SGCZ: variants seen among roughly 807,000 people sequenced by gnomAD.
The protein encoded by SGCZ is zeta-sarcoglycan.
Under a neutral mutation model 41.3 loss-of-function variants are expected in SGCZ, and 40 were observed. The observed-to-expected ratio is 0.97, with a 90% CI of 0.75 to 1.26. SGCZ has a LOEUF of 1.26. SGCZ is among the 50% of genes most tolerant of loss of function. The probability of loss-of-function intolerance (pLI) is 0.00; values close to 1 mark genes in which losing one functional copy is unlikely to be tolerated. For missense variants in SGCZ, 552 were observed against 369.8 expected (o/e 1.49, Z -4.04); for synonymous variants, 206 against 137.5 (o/e 1.50, Z -3.49).
rs1401181388 is a variant in SGCZ, at chr8:14,887,620, A to G, written c.40-332694T>C. On this transcript the variant is annotated intron_variant, in intron 1 of 7. Transcript: ENST00000382080. ...CATAAACACACATACACAATCATATAAAAACTATGAATAATTTTGATAACT... is the reference window on the plus strand; with the variant it reads ...CATAAACACACATACACAATCATATGAAAACTATGAATAATTTTGATAACT... 2.0e-5 allele frequency among the ~76,000 whole-genome samples: 3 copies of G among 152,178 alleles called. 1 individual carries two copies. The highest frequency in any genetic ancestry group is 2.0e-4 in the Admixed American group (3 of 15,270).
chr8:14,776,379 A>G (rs1899369), intron 1 of SGCZ, among the ~76,000 whole-genome samples: 44,587 of 151,960 alleles, frequency 0.29, 6,935 homozygotes, highest in African/African-American at 0.4. Context: ...GCCTGCCACC[A>G]TGTAAGATGG....
intron 2 of SGCZ, among the ~76,000 whole-genome samples, chr8:14,530,019 C>T (rs936317604): frequency 1.3e-5 from 2 of 152,048 alleles, no homozygotes; most frequent in African/African-American, 4.8e-5. Context: ...GCTTTTAACA[C>T]ATAAACAAAT....
chr8:14,514,895 A>G (rs1202566880), intron 2 of SGCZ, among the ~76,000 whole-genome samples: 1 of 150,456 alleles, frequency 6.6e-6, no homozygotes, highest in African/African-American at 2.4e-5. Context: ...CTTTATTTCC[A>G]TTTGTTCTTT....
At chr8:14,110,969 G>C (rs1209458958) in intron 5 of SGCZ, among the ~76,000 whole-genome samples, 1 of 151,968 alleles carries the variant, frequency 6.6e-6, no homozygotes, top group Non-Finnish European at 1.5e-5. Flanking sequence ...CAGGAGAATA[G>C]TTTGAACCTG....
At chr8:14,524,356 G>A (rs1042231562) in intron 2 of SGCZ, among the ~76,000 whole-genome samples, 1 of 151,910 alleles carries the variant, frequency 6.6e-6, no homozygotes, top group Non-Finnish European at 1.5e-5. Context: ...GGATTCGGGT[G>A]GGGGAATCTA....
At chr8:14,445,795 G>T (rs192874498) in intron 2 of SGCZ, among the ~76,000 whole-genome samples, 1 of 152,274 alleles carries the variant, frequency 6.6e-6, no homozygotes, top group East Asian at 1.9e-4. Flanking sequence ...GTGGAGTTAG[G>T]AGAGTAATGG....
At chr8:14,714,323 T>C (rs966109250) in intron 1 of SGCZ, among the ~76,000 whole-genome samples, 2 of 152,054 alleles carry the variant, frequency 1.3e-5, no homozygotes, top group Non-Finnish European at 2.9e-5. Flanking sequence ...TAAAAGTTTA[T>C]AGAAGTTAAA....
At chr8:14,672,959 A>C (rs1808151961) in intron 1 of SGCZ, among the ~76,000 whole-genome samples, 1 of 152,188 alleles carries the variant, frequency 6.6e-6, no homozygotes, top group South Asian at 2.1e-4. Flanking sequence ...AACCAGACAA[A>C]CTGGAAAGAA....
chr8:14,329,173 G>C (rs569760675), intron 2 of SGCZ, among the ~76,000 whole-genome samples: 161 of 152,286 alleles, frequency 1.1e-3, no homozygotes, highest in African/African-American at 3.8e-3. Context: ...TGTCATTTTA[G>C]AAGGGGATAT....
intron 2 of SGCZ, among the ~76,000 whole-genome samples, chr8:14,520,797 T>A (rs960840783): frequency 2.0e-5 from 3 of 152,154 alleles, no homozygotes; most frequent in Non-Finnish European, 4.4e-5. Flanking sequence ...TTGAACATTA[T>A]CATTTATTAT....
intron 1 of SGCZ, among the ~76,000 whole-genome samples, chr8:14,689,567 C>T (rs553411801): frequency 6.6e-6 from 1 of 152,186 alleles, no homozygotes; most frequent in African/African-American, 2.4e-5. Context: ...TTATTACTAA[C>T]ATAATTAAAT....
intron 2 of SGCZ, among the ~76,000 whole-genome samples, chr8:14,451,679 A>G (rs1159399222): frequency 1.3e-5 from 2 of 152,210 alleles, no homozygotes; most frequent in African/African-American, 2.4e-5. Context: ...AAAAATGGGC[A>G]AAAGGTCTTA....
rs990037162 is a variant in SGCZ at position 14,294,749 on chromosome 8, G to A, written c.336+29354C>T. Among the ~76,000 whole-genome samples, 6 of 152,002 alleles carry A rather than the reference G, an allele frequency of 3.9e-5. No homozygotes were observed. The East Asian group carries it at 9.7e-4, about 24-fold the overall frequency. On this transcript the variant is annotated intron_variant, in intron 3 of 7. Transcript: ENST00000382080. The stretch of plus-strand genomic sequence containing the variant: ...AAGCAAAAGCCCAATTTTAATAAAT[G>A]AGAAAAATATTCCAACAAAGATATC...
intron 2 of SGCZ, among the ~76,000 whole-genome samples, chr8:14,356,381 T>A (rs1803293130): frequency 1.3e-5 from 2 of 152,064 alleles, no homozygotes. Context: ...AAATATGACC[T>A]ACCAAAAATT....
intron 1 of SGCZ, among the ~76,000 whole-genome samples, chr8:14,566,970 G>T (rs1015526725): frequency 6.6e-6 from 1 of 152,214 alleles, no homozygotes; most frequent in African/African-American, 2.4e-5. Context: ...GGCAGTGAAG[G>T]GCTTAGCACC....
intron 1 of SGCZ, among the ~76,000 whole-genome samples, chr8:15,030,720 A>G (rs1170426186): frequency 1.3e-5 from 2 of 152,136 alleles, no homozygotes; most frequent in African/African-American, 4.8e-5. Context: ...GGTTAGGGGG[A>G]TAACTTACTA....
At chr8:14,370,382 A>T in intron 2 of SGCZ, among the ~76,000 whole-genome samples, 1 of 151,928 alleles carries the variant, frequency 6.6e-6, no homozygotes. Flanking sequence ...CATAAATATA[A>T]CAACTATTGA....
intron 1 of SGCZ, among the ~76,000 whole-genome samples, chr8:15,166,492 C>T (rs1799670616): frequency 6.6e-6 from 1 of 152,066 alleles, no homozygotes; most frequent in African/African-American, 2.4e-5. Flanking sequence ...TCATGATCCG[C>T]CCGCCTTGGC....
chr8:14,309,759 G>C lies in SGCZ; in HGVS notation c.336+14344C>G. On this transcript the variant is annotated intron_variant, in intron 3 of 7. Transcript: ENST00000382080. ...TGAACCAAAGCCTCTTCAAAAAGCA[G>C]AGTGGACTGCATTTAAATTTCATTT... 5 of 1,560,178 alleles carry C rather than the reference G, an allele frequency of 3.2e-6. No homozygotes were observed. In the South Asian group the frequency reaches 3.5e-5, roughly 11 times the overall value.
Sources: allele counts gnomAD v4.1 joint callset (sites outside exome capture counted in the v4.1 genomes callset), GRCh38; gene constraint gnomAD v4.1.1; transcripts MANE v1.5; gene names NCBI Gene and HGNC (gene_info 2026-07-23, HGNC 2026-07-21).